The following KLF10 variants were observed in gnomAD, a reference collection of about 807,000 sequenced individuals.
KLF10 encodes the protein KLF transcription factor 10, also known as Krueppel-like factor 10.
In KLF10, 17 loss-of-function variants were observed where a neutral mutation model predicts 31.6. The observed-to-expected ratio is 0.54, with a 90% CI of 0.37 to 0.81. The LOEUF (loss-of-function observed/expected upper bound fraction) is 0.81, where lower values mean the gene tolerates loss of function less well. Among genes scored for constraint, KLF10 ranks in the 30% least tolerant of loss-of-function variants. The probability of loss-of-function intolerance (pLI) is 0.00; values close to 1 mark genes in which losing one functional copy is unlikely to be tolerated. For synonymous variants in KLF10, 239 were observed against 215.1 expected (o/e 1.11, Z -0.97); for missense variants, 525 against 598.1 (o/e 0.88, Z 1.27).
In KLF10 at chr8:102,651,468, T is replaced by A. The variant is rs772165828; in HGVS notation, c.864A>T (p.Thr288=). ...GGCTGGGAGGAGTGCTGGGAACGAC[T>A]GTTGTCACAACAGGGTTGTTGGCAG... ...PLPANNPVVT[T]VVPSTPPSQP... is the part of the protein sequence containing the mutation. The change falls in exon 3 of 4, where the codon ACA becomes ACT. Residue 288 remains threonine (T), a synonymous_variant. Transcript: ENST00000285407. The A allele has an allele frequency of 8.1e-5, 130 of 1,613,792 alleles. No homozygotes were observed. The highest frequency in any genetic ancestry group is 1.1e-4 in the Non-Finnish European group (127 of 1,179,930).
rs1462311074 is a variant in KLF10 at position 102,652,403 on chromosome 8, A to C, written c.37-6T>G. The C allele has an allele frequency of 6.6e-7, 1 of 1,520,638 alleles. No homozygotes were observed. The highest frequency in any genetic ancestry group is 9.0e-7 in the Non-Finnish European group (1 of 1,116,188). 94.2% of individuals were successfully genotyped at this position (1,520,638 alleles called of 1,614,324 possible). On this transcript the variant is annotated splice_polypyrimidine_tract_variant and splice_region_variant and intron_variant, in intron 1 of 3. Transcript: ENST00000285407. ...ATCATTTCCATTCTTTCCTCCTATA[A>C]AAACAAAAGAGGAAAGCTTATAAGC...
intron 1 of KLF10, chr8:102,653,784 A>C (rs930174023): frequency 3.5e-5 from 38 of 1,071,114 alleles, no homozygotes; most frequent in African/African-American, 5.0e-5. Context: ...AGGGAAAGAG[A>C]GCGTGAGCTG....
intron 3 of KLF10, among the ~76,000 whole-genome samples, 196 bp downstream of exon 3, chr8:102,650,953 T>C (rs1827193740): frequency 1.3e-5 from 2 of 152,174 alleles, no homozygotes; most frequent in Admixed American, 6.5e-5. Context: ...TCCTCCCACC[T>C]TGGTCTCCTA....
rs553384853 is a variant in KLF10 at position 102,652,420 on chromosome 8, C to T, written c.37-23G>A. ...CTCCTATAAAAACAAAAGAGGAAAG[C>T]TTATAAGCATATTTTTTGTCATCCA... On this transcript the variant is annotated intron_variant, in intron 1 of 3. Coordinates refer to ENST00000285407, the MANE Select transcript of KLF10 (RefSeq NM_005655.4). The T allele has an allele frequency of 2.9e-6, 4 of 1,391,898 alleles. No individual in the cohort carries two copies. The Admixed American group carries it at 6.8e-5, about 24-fold the overall frequency. 86.2% of individuals were successfully genotyped at this position (1,391,898 alleles called of 1,614,324 possible). A position where few individuals can be genotyped will look rare whatever the true frequency, so the allele number is the denominator to read the frequency against.
chr8:102,651,706 CT>C lies in KLF10; in HGVS notation c.625del (p.Arg209AspfsTer78). 6.2e-7 allele frequency: 1 copy of C among 1,614,246 alleles called. No homozygotes were observed. The highest frequency in any genetic ancestry group is 8.5e-7 in the Non-Finnish European group (1 of 1,180,046). On this transcript the variant is annotated frameshift_variant, in exon 3 of 4. Transcript: ENST00000285407. LOFTEE classifies it high-confidence loss of function. ...CACTGTGTTTCTCTCACATTTGGATCTGTTTGGTGACACAGCGGCACATGGT... is the reference window on the plus strand; with the variant it reads ...CACTGTGTTTCTCTCACATTTGGATCGTTTGGTGACACAGCGGCACATGGT... ...NIPCAAVSPN[R>X]SKCERNTVAD...
Position 102,651,228 on chromosome 8 carries a change from A to C in KLF10, c.1104T>G (p.Ser368Arg). 6.4e-7 allele frequency: 1 copy of C among 1,572,780 alleles called. No individual in the cohort carries two copies. Among genetic ancestry groups the C allele is most frequent in the Non-Finnish European group, 8.6e-7 (1 of 1,160,688 alleles). ...TPQIDSSRIR[S>R]HICSHPGCGK... Reference sequence around the variant, plus strand: ...CACATCCTGGGTGGCTACAGATGTGACTCCTTATCCTTGATGAATCAATCT... The same window carrying C: ...CACATCCTGGGTGGCTACAGATGTGCCTCCTTATCCTTGATGAATCAATCT... Residue 368 changes from serine to arginine, a missense_variant, in exon 3 of 4, where the codon AGT becomes AGG. Physicochemically the swap from Ser to Arg is moderately radical, Grantham distance 110. Transcript: ENST00000285407.
In KLF10 at chr8:102,652,298, T is replaced by C. The variant is rs757211053; in HGVS notation, c.136A>G (p.Met46Val). The C allele has an allele frequency of 1.9e-6, 3 of 1,613,424 alleles. No individual in the cohort carries two copies. The highest frequency in any genetic ancestry group is 2.2e-5 in the South Asian group (2 of 91,028). ...GACTTCCAACTGCAGCTCATTGACA[T>C]AAGTGCTTCTACAGCTTCAAAATCA... ...KSDFEAVEAL[M>V]SMSCSWKSDF... Residue 46 changes from methionine to valine, a missense_variant, in exon 2 of 4, where the codon ATG becomes GTG. Met to Val is a conservative substitution (Grantham distance 21). Transcript: ENST00000285407.
At chr8:102,653,882 G>C (rs1038004841) in intron 1 of KLF10, 6 of 958,574 alleles carry the variant, frequency 6.3e-6, no homozygotes, top group Non-Finnish European at 7.5e-6. Context: ...CGCGGGCGGG[G>C]GAGGCAGACG....
intron 3 of KLF10, among the ~76,000 whole-genome samples, chr8:102,650,728 C>A (rs957187342): frequency 6.6e-6 from 1 of 151,714 alleles, no homozygotes; most frequent in Non-Finnish European, 1.5e-5. Context: ...TTAAAAAAAG[C>A]CAAAAATGAA....
At chr8:102,654,311 G>T (rs1403945773) in intron 1 of KLF10, 1 of 146,586 alleles carries the variant, frequency 6.8e-6, no homozygotes, top group East Asian at 2.0e-4. Context: ...GGGGCTGCGG[G>T]CGCCAGGCTC....
At position 102,655,589 on chromosome 8, in the gene KLF10, C is replaced by G. The variant is rs759437922; in HGVS notation, c.13G>C (p.Gly5Arg). 2.5e-6 allele frequency: 4 copies of G among 1,614,146 alleles called. No individual in the cohort carries two copies. The South Asian group carries it at 4.4e-5, about 18-fold the overall frequency. The change falls in exon 1 of 4, where the codon GGT becomes CGT. Residue 5 changes from glycine (G) to arginine (R), a missense_variant. This residue lies in a region of KLF10 where 434 missense variants were observed against 450.7 expected (regional missense o/e 0.96). Coordinates refer to ENST00000285407, the MANE Select transcript of KLF10 (RefSeq NM_005655.4). MLNF[G>R]ASLQQTAEER... The stretch of plus-strand genomic sequence containing the variant: ...ACCGCAGTCTGCTGGAGAGAGGCAC[C>G]GAAGTTGAGCATGGTTGGCTGCTTG...
intron 1 of KLF10, chr8:102,653,877 G>C (rs1353349533): frequency 6.3e-6 from 6 of 956,324 alleles, no homozygotes; most frequent in Non-Finnish European, 7.5e-6. Context: ...GGAGGCGCGG[G>C]CGGGGGAGGC....
intron 3 of KLF10, 70 bp downstream of exon 3, chr8:102,651,079 G>GGGTTT: frequency 4.5e-6 from 6 of 1,342,228 alleles, no homozygotes; most frequent in Non-Finnish European, 6.0e-6. Flanking sequence ...TTATCATCCT[G>GGGTTT]GGTTTAAATG....
At chr8:102,653,754 A>C in intron 1 of KLF10, 7 of 1,129,204 alleles carry the variant, frequency 6.2e-6, no homozygotes, top group Non-Finnish European at 7.6e-6. Flanking sequence ...CAAAAAAAGG[A>C]AAAAAGAAAG....
At position 102,652,278 on chromosome 8, in the gene KLF10, C is replaced by G. The variant is rs752817498; in HGVS notation, c.156G>C (p.Trp52Cys). 1.2e-5 allele frequency: 20 copies of G among 1,613,478 alleles called. No homozygotes were observed. The African/African-American group carries it at 2.5e-4, about 20-fold the overall frequency. The part of the protein sequence containing the change: ...VEALMSMSCS[W>C]KSDFKKYVEN... ...CAACGTATTTCTTAAAATCAGACTT[C>G]CAACTGCAGCTCATTGACATAAGTG... The change falls in exon 2 of 4, where the codon TGG (tryptophan) becomes TGC (cysteine). Residue 52 changes from tryptophan to cysteine, a missense_variant. This residue lies in a region of KLF10 where 434 missense variants were observed against 450.7 expected (regional missense o/e 0.96). Transcript: ENST00000285407.
intron 1 of KLF10, chr8:102,653,626 A>G: frequency 7.5e-7 from 1 of 1,333,486 alleles, no homozygotes; most frequent in Non-Finnish European, 9.6e-7. Flanking sequence ...TGAAATCCTA[A>G]GAAAACGAGC....
chr8:102,649,328 G>C lies in KLF10; in HGVS notation c.*804C>G, dbSNP rs1354313154. The C allele has an allele frequency of 1.3e-5, 2 of 152,100 alleles. No individual in the cohort carries two copies. The highest frequency in any genetic ancestry group is 2.9e-5 in the Non-Finnish European group (2 of 68,022). 9.4% of individuals were successfully genotyped at this position (152,100 alleles called of 1,614,324 possible). A position where few individuals can be genotyped will look rare whatever the true frequency, so the allele number is the denominator to read the frequency against. ...CAGTTTTTTTTCTAAACAAAGTGCA[G>C]TGTATCTTAGAGTCTACAGAAAACA... On this transcript the variant is annotated 3_prime_UTR_variant, in exon 4 of 4. Transcript: ENST00000285407.
In KLF10 at chr8:102,653,636, C is replaced by T. The variant is rs1232357748; in HGVS notation, c.37-1239G>A. 6 of 1,327,944 alleles carry T rather than the reference C, an allele frequency of 4.5e-6. No individual in the cohort carries two copies. In the African/African-American group the frequency reaches 7.6e-5, roughly 17 times the overall value. The allele number at this position is 1,327,944 out of a possible 1,614,324, so 82.3% of individuals were successfully genotyped here. The stretch of plus-strand genomic sequence containing the variant: ...CGTGTTGAAATCCTAAGAAAACGAG[C>T]CATTGCTCTTGAAATATCGCTAACA... On this transcript the variant is annotated intron_variant, in intron 1 of 3. Coordinates refer to ENST00000285407, the MANE Select transcript of KLF10 (RefSeq NM_005655.4).
chr8:102,655,515 C>T, intron 1 of KLF10, 51 bp downstream of exon 1: 1 of 1,612,118 alleles, frequency 6.2e-7, no homozygotes, highest in Non-Finnish European at 8.5e-7. Context: ...CCCTTTGGCC[C>T]CCCAGACAAG....
Sources: allele counts gnomAD v4.1 joint callset (sites outside exome capture counted in the v4.1 genomes callset), GRCh38; gene constraint gnomAD v4.1.1; regional missense constraint gnomAD v4.1.1; transcripts MANE v1.5; gene names NCBI Gene and HGNC (gene_info 2026-07-23, HGNC 2026-07-21).